The following POU2F1 variants were observed in gnomAD, a reference collection of about 807,000 sequenced individuals.
POU2F1 encodes the protein POU class 2 homeobox 1.
POU2F1 carries 16 observed loss-of-function variants against 84.9 expected under a neutral mutation model. The observed-to-expected ratio is 0.19, with a 90% CI of 0.13 to 0.29. POU2F1 has a LOEUF of 0.29. POU2F1 is among the 10% of genes least tolerant of loss of function. The pLI is 1.00. For synonymous variants in POU2F1, 368 were observed against 368.3 expected (o/e 1.00, Z 0.01); for missense variants, 738 against 942.6 (o/e 0.78, Z 2.84).
In POU2F1 at chr1:167,422,085, G is replaced by A. The variant is rs1041583427; in HGVS notation, c.*6275G>A. 1.3e-5 allele frequency: 2 copies of A among 152,178 alleles called. No homozygotes were observed. The highest frequency in any genetic ancestry group is 4.8e-5 in the African/African-American group (2 of 41,414). 9.4% of individuals were successfully genotyped at this position (152,178 alleles called of 1,614,324 possible). ...TGTGGTGGCATGCAGGTAACATATGGGGTGTCCAGTAGGTTCAGGGACCCT... is the reference window on the plus strand; with the variant it reads ...TGTGGTGGCATGCAGGTAACATATGAGGTGTCCAGTAGGTTCAGGGACCCT... On this transcript the variant is annotated 3_prime_UTR_variant, in exon 16 of 16. Transcript: ENST00000367866.
chr1:167,314,213 A>AAG lies in POU2F1; in HGVS notation c.62-18257_62-18256insAG, dbSNP rs148578519. On this transcript the variant is annotated intron_variant, in intron 1 of 15. Transcript: ENST00000367866. ...ACTCTGTCTCAGAAAAAAAAAAAAA[A>AAG]CAAAACTTCAAAAGAAAGAAATAGA... Among the ~76,000 whole-genome samples, 245 of 150,720 alleles carry AAG rather than the reference A, an allele frequency of 1.6e-3. 1 individual carries two copies. The highest frequency in any genetic ancestry group is 2.2e-3 in the Non-Finnish European group (152 of 67,882).
intron 2 of POU2F1, among the ~76,000 whole-genome samples, chr1:167,337,074 A>G (rs1445664321): frequency 1.3e-5 from 2 of 151,964 alleles, no homozygotes; most frequent in Admixed American, 6.6e-5. Flanking sequence ...GAGGTAGGAG[A>G]ATTGCTTGAC....
chr1:167,405,585 G>T (rs1557963896), intron 13 of POU2F1, among the ~76,000 whole-genome samples: 1 of 152,062 alleles, frequency 6.6e-6, no homozygotes, highest in Non-Finnish European at 1.5e-5. Flanking sequence ...CTGCTCGGGA[G>T]GCTGAGGTGG....
intron 13 of POU2F1, among the ~76,000 whole-genome samples, chr1:167,404,583 G>C (rs1018165606): frequency 6.6e-6 from 1 of 152,106 alleles, no homozygotes; most frequent in East Asian, 1.9e-4. Flanking sequence ...TCAAGAGTAG[G>C]TGACTTTGGT....
At chr1:167,375,152 T>C (rs77300027) in intron 6 of POU2F1, among the ~76,000 whole-genome samples, 3,862 of 152,256 alleles carry the variant, frequency 0.025, 161 homozygotes, top group African/African-American at 0.086. Context: ...TGAAGAGTTA[T>C]TATGAGTCTA....
intron 1 of POU2F1, among the ~76,000 whole-genome samples, chr1:167,324,547 A>G (rs188756722): frequency 1.3e-5 from 2 of 152,324 alleles, no homozygotes; most frequent in Admixed American, 6.5e-5. Context: ...TAGGTTGACC[A>G]TTTTGTTCAG....
chr1:167,279,658 C>CG, intron 1 of POU2F1, among the ~76,000 whole-genome samples: 1 of 151,978 alleles, frequency 6.6e-6, no homozygotes, highest in Non-Finnish European at 1.5e-5. Context: ...GCGGAGATTG[C>CG]GGTGAGCTGA....
chr1:167,318,459 C>T (rs1229009189), intron 1 of POU2F1, among the ~76,000 whole-genome samples: 1 of 152,202 alleles, frequency 6.6e-6, no homozygotes, highest in African/African-American at 2.4e-5. Context: ...AATCATTGCT[C>T]AGCACCTCTG....
chr1:167,222,877 A>G (rs1397582729), intron 1 of POU2F1, among the ~76,000 whole-genome samples: 1 of 152,110 alleles, frequency 6.6e-6, no homozygotes, highest in Non-Finnish European at 1.5e-5. Context: ...TGTTTTGGGG[A>G]TGGGTACCCC....
intron 2 of POU2F1, among the ~76,000 whole-genome samples, chr1:167,336,257 A>G (rs1657435793): frequency 6.6e-6 from 1 of 152,236 alleles, no homozygotes; most frequent in Admixed American, 6.5e-5. Context: ...TACCTACTAT[A>G]CTACTGTAAT....
intron 2 of POU2F1, among the ~76,000 whole-genome samples, chr1:167,343,980 G>A (rs1266747114): frequency 1.3e-5 from 2 of 151,972 alleles, no homozygotes; most frequent in Middle Eastern, 3.2e-3. Flanking sequence ...CAAGGACGGA[G>A]CTCTTCTAAG....
chr1:167,239,576 A>T (rs1649753031), intron 1 of POU2F1, among the ~76,000 whole-genome samples: 1 of 152,186 alleles, frequency 6.6e-6, no homozygotes, highest in Non-Finnish European at 1.5e-5. Flanking sequence ...CCCAACCCTC[A>T]CTTTTATGCT....
intron 2 of POU2F1, chr1:167,338,033 A>G: frequency 2.4e-6 from 1 of 424,592 alleles, no homozygotes; most frequent in Non-Finnish European, 4.7e-6. Flanking sequence ...GATTGGTAGC[A>G]TATAGAAACA....
chr1:167,313,201 A>C (rs1423446035), intron 1 of POU2F1, among the ~76,000 whole-genome samples: 2 of 151,144 alleles, frequency 1.3e-5, no homozygotes, highest in Non-Finnish European at 2.9e-5. Flanking sequence ...TAAGGGAGAG[A>C]TATATACTAT....
At chr1:167,388,483 A>G (rs1648150131) in intron 8 of POU2F1, among the ~76,000 whole-genome samples, 1 of 152,238 alleles carries the variant, frequency 6.6e-6, no homozygotes, top group Non-Finnish European at 1.5e-5. Flanking sequence ...TAATATGCAT[A>G]AAGTTTTTCA....
Position 167,383,900 on chromosome 1 carries a change from A to G in POU2F1, c.762A>G (p.Gln254=). 6.2e-7 allele frequency: 1 copy of G among 1,613,918 alleles called. No homozygotes were observed. The highest frequency in any genetic ancestry group is 8.5e-7 in the Non-Finnish European group (1 of 1,179,872). Residue 254 remains glutamine (Q), a synonymous_variant, in exon 8 of 16, where the codon CAA becomes CAG. Transcript: ENST00000367866. ...AQNLLTQLPQ[Q]SQANLLQSQP... is the part of the protein sequence containing the mutation. Reference sequence around the variant, plus strand: ...ATCTTCTAACGCAACTACCTCAGCAAAGCCAAGCCAACCTCCTACAGTCGC... The same window carrying G: ...ATCTTCTAACGCAACTACCTCAGCAGAGCCAAGCCAACCTCCTACAGTCGC...
In POU2F1 at chr1:167,317,256, G is replaced by C. The variant is rs556634453; in HGVS notation, c.62-15214G>C. ...CTATATGGTCCTGTGTTAAAACTCT[G>C]TAGTGACCTATTCTTTTTCTCCCTG... On this transcript the variant is annotated intron_variant, in intron 1 of 15. Coordinates refer to ENST00000367866, the MANE Select transcript of POU2F1 (RefSeq NM_002697.4). Among the ~76,000 whole-genome samples, 4 of 152,312 alleles carry C rather than the reference G, an allele frequency of 2.6e-5. No homozygotes were observed. The South Asian group carries it at 8.3e-4, about 32-fold the overall frequency.
chr1:167,268,505 A>T (rs1310384278), intron 1 of POU2F1, among the ~76,000 whole-genome samples: 1 of 152,202 alleles, frequency 6.6e-6, no homozygotes, highest in Non-Finnish European at 1.5e-5. Flanking sequence ...CTTTTGAAGA[A>T]CAAAGGCCTC....
chr1:167,233,687 A>G (rs1042688032), intron 1 of POU2F1, among the ~76,000 whole-genome samples: 3 of 152,228 alleles, frequency 2.0e-5, no homozygotes, highest in African/African-American at 4.8e-5. Flanking sequence ...AACTAATGAA[A>G]ACACAGCACT....
Sources: gnomAD v4.1 joint callset for allele counts (sites outside exome capture counted in the v4.1 genomes callset) on GRCh38, gnomAD v4.1.1 for gene constraint, MANE v1.5 for transcripts, NCBI Gene and HGNC (gene_info 2026-07-23, HGNC 2026-07-21) for gene names.